The following MINDY2 variants were observed in gnomAD, a reference collection of about 807,000 sequenced individuals.
The protein encoded by MINDY2 is MINDY lysine 48 deubiquitinase 2.
MINDY2 carries 52 observed loss-of-function variants against 68.2 expected under a neutral mutation model. The ratio of observed to expected loss-of-function variants is 0.76; its 90% CI spans 0.61 to 0.96. The LOEUF is 0.96. Among genes scored for constraint, MINDY2 ranks in the 40% least tolerant of loss-of-function variants. The pLI is 0.00. For missense variants in MINDY2, 881 were observed against 773.4 expected (o/e 1.14, Z -1.65); for synonymous variants, 372 against 303.0 (o/e 1.23, Z -2.36).
rs2031428003 is a variant in MINDY2, at chr15:58,826,848, TCCTTCCTCCCTC to T, written c.1226-4914_1226-4903del. Among the ~76,000 whole-genome samples, 7 of 152,280 alleles carry T rather than the reference TCCTTCCTCCCTC, an allele frequency of 4.6e-5. No individual in the cohort carries two copies. The South Asian group carries it at 1.5e-3, about 32-fold the overall frequency. ...ATCTAGAATAGTTCTGTAACCTTAT[TCCTTCCTCCCTC>T]CCTTCCTCCCTTCCTTCCTTCATTT... On this transcript the variant is annotated intron_variant, in intron 5 of 8. Coordinates refer to ENST00000559228, the MANE Select transcript of MINDY2 (RefSeq NM_001040450.3).
chr15:58,809,973 C>T (rs981975216), intron 3 of MINDY2, among the ~76,000 whole-genome samples: 1 of 152,130 alleles, frequency 6.6e-6, no homozygotes, highest in Non-Finnish European at 1.5e-5. Context: ...GACAGGGTTT[C>T]ACCATGTTGG....
intron 8 of MINDY2, among the ~76,000 whole-genome samples, chr15:58,852,249 C>G (rs946299760): frequency 1.7e-4 from 21 of 123,024 alleles, no homozygotes; most frequent in South Asian, 1.3e-3. Flanking sequence ...GATTGTGCCA[C>G]TACACTCCAG....
intron 4 of MINDY2, among the ~76,000 whole-genome samples, chr15:58,813,076 A>G (rs1158574098): frequency 6.6e-6 from 1 of 152,198 alleles, no homozygotes; most frequent in African/African-American, 2.4e-5. Flanking sequence ...ATTGCATTTC[A>G]TACTCACCAT....
chr15:58,793,329 G>A (rs1478207127), intron 2 of MINDY2, among the ~76,000 whole-genome samples: 1 of 151,812 alleles, frequency 6.6e-6, no homozygotes, highest in Non-Finnish European at 1.5e-5. Flanking sequence ...GCACATGCCT[G>A]TAGTCCCAGC....
intron 6 of MINDY2, among the ~76,000 whole-genome samples, chr15:58,840,823 AT>A (rs35724367): frequency 0.46 from 57,784 of 124,674 alleles, 14,971 homozygotes; most frequent in East Asian, 0.82. Context: ...TGCCCAGCTA[AT>A]TTTTTTTTTT....
At chr15:58,780,902 C>T (rs1901092787) in intron 1 of MINDY2, among the ~76,000 whole-genome samples, 1 of 152,110 alleles carries the variant, frequency 6.6e-6, no homozygotes, top group Non-Finnish European at 1.5e-5. Flanking sequence ...AAAATGGTCT[C>T]TTGTCTTACC....
At chr15:58,784,926 T>A (rs1901386138) in intron 1 of MINDY2, among the ~76,000 whole-genome samples, 1 of 151,918 alleles carries the variant, frequency 6.6e-6, no homozygotes, top group South Asian at 2.1e-4. Flanking sequence ...TGAGCCACCG[T>A]ACCCAGCCTG....
intron 4 of MINDY2, among the ~76,000 whole-genome samples, chr15:58,814,713 T>A (rs183695905): frequency 1.3e-3 from 195 of 152,218 alleles, no homozygotes; most frequent in African/African-American, 4.2e-3. Flanking sequence ...CTTTTTGTAA[T>A]TGAGTTGCAA....
intron 7 of MINDY2, among the ~76,000 whole-genome samples, chr15:58,848,467 G>A (rs1161346773): frequency 6.6e-6 from 1 of 152,146 alleles, no homozygotes; most frequent in African/African-American, 2.4e-5. Flanking sequence ...TAATTCTCCG[G>A]GTGCGGTGGC....
At chr15:58,845,059 A>C (rs1413705313) in intron 6 of MINDY2, among the ~76,000 whole-genome samples, 1 of 152,104 alleles carries the variant, frequency 6.6e-6, no homozygotes, top group Admixed American at 6.6e-5. Context: ...AAAAAATCTC[A>C]TAATCAAATT....
chr15:58,809,852 T>C (rs1451612586), intron 3 of MINDY2, among the ~76,000 whole-genome samples: 2 of 152,202 alleles, frequency 1.3e-5, no homozygotes, highest in Non-Finnish European at 2.9e-5. Context: ...GAATCTCAGC[T>C]CACTGCAACC....
rs776630669 is a variant in MINDY2 at position 58,858,301 on chromosome 15, T to G, written c.*3691T>G. The G allele has an allele frequency of 1.3e-5, 2 of 152,186 alleles. No homozygotes were observed. The highest frequency in any genetic ancestry group is 2.4e-5 in the African/African-American group (1 of 41,462). The allele number at this position is 152,186 out of a possible 1,614,324, so 9.4% of individuals were successfully genotyped here. ...CTGATATTGACTACTTATCCCATAT[T>G]CTGTTTCAAATTCTTTATCATATTT... On this transcript the variant is annotated 3_prime_UTR_variant, in exon 9 of 9. Transcript: ENST00000559228.
At chr15:58,779,295 A>G (rs1000844263) in intron 1 of MINDY2, among the ~76,000 whole-genome samples, 1 of 152,200 alleles carries the variant, frequency 6.6e-6, no homozygotes, top group South Asian at 2.1e-4. Flanking sequence ...TCAAAGTTCG[A>G]ATGGACGTAT....
intron 5 of MINDY2, among the ~76,000 whole-genome samples, chr15:58,829,473 TGTAAAAAGAA>T (rs1252686214): frequency 1.1e-4 from 17 of 152,216 alleles, no homozygotes; most frequent in Non-Finnish European, 2.4e-4. Context: ...TGTCCTATTC[TGTAAAAAGAA>T]GTAGCTGAGA....
Position 58,771,419 on chromosome 15 carries a change from G to A in MINDY2, c.24G>A (p.Leu8=), listed in dbSNP as rs755437672. 1.2e-6 allele frequency: 2 copies of A among 1,611,288 alleles called. No individual in the cohort carries two copies. The change falls in exon 1 of 9, where the codon CTG becomes CTA. Residue 8 remains leucine (L), a synonymous_variant. Coordinates refer to ENST00000559228, the MANE Select transcript of MINDY2 (RefSeq NM_001040450.3). MESSPES[L]QPLEHGVAAG... The stretch of plus-strand genomic sequence containing the variant: ...GTATGGAGAGCAGCCCCGAGAGCCT[G>A]CAGCCGCTAGAACACGGGGTGGCGG...
chr15:58,774,604 G>A (rs1322714853), intron 1 of MINDY2, among the ~76,000 whole-genome samples: 1 of 151,910 alleles, frequency 6.6e-6, no homozygotes, highest in African/African-American at 2.4e-5. Flanking sequence ...ACAGTGCAAT[G>A]TGAGAAGCTC....
In MINDY2 at chr15:58,802,232, A is replaced by G. The variant is rs1446581084; in HGVS notation, c.899-81A>G. The G allele has an allele frequency of 1.4e-5, 13 of 905,302 alleles. No homozygotes were observed. In the Admixed American group the frequency reaches 3.2e-4, roughly 22 times the overall value. The allele number at this position is 905,302 out of a possible 1,614,324, so 56.1% of individuals were successfully genotyped here. ...CTATAGCTACAGTGTTTTAACATTT[A>G]TAATTAAGATCTATTACTTTTGTAA... On this transcript the variant is annotated intron_variant, in intron 2 of 8. Coordinates refer to ENST00000559228, the MANE Select transcript of MINDY2 (RefSeq NM_001040450.3).
rs147596491 is a variant in MINDY2 at position 58,773,725 on chromosome 15, A to C, written c.840+1490A>C. Among the ~76,000 whole-genome samples, 565 of 152,272 alleles carry C rather than the reference A, an allele frequency of 3.7e-3. 1 individual carries two copies. The highest frequency in any genetic ancestry group is 0.02 in the Middle Eastern group (6 of 294). ...CGTTTGTTTGTTTGTTTTAAAGACA[A>C]ATTAGAGCAATTTAACAGATCTTTT... On this transcript the variant is annotated intron_variant, in intron 1 of 8. Transcript: ENST00000559228.
intron 5 of MINDY2, among the ~76,000 whole-genome samples, chr15:58,822,887 GAC>G (rs1252806217): frequency 6.6e-6 from 1 of 152,104 alleles, no homozygotes; most frequent in Non-Finnish European, 1.5e-5. Flanking sequence ...GTCTCTCTCA[GAC>G]ACACAATTAT....
Sources: allele counts gnomAD v4.1 joint callset (sites outside exome capture counted in the v4.1 genomes callset), GRCh38; gene constraint gnomAD v4.1.1; transcripts MANE v1.5; gene names NCBI Gene and HGNC (gene_info 2026-07-23, HGNC 2026-07-21).